CYTIP: variants seen among roughly 807,000 people sequenced by gnomAD.
CYTIP encodes the protein cytohesin 1 interacting protein.
Under a neutral mutation model 43.8 loss-of-function variants are expected in CYTIP, and 26 were observed. That is an observed-to-expected ratio of 0.59 (90% CI 0.44 to 0.82). The LOEUF (loss-of-function observed/expected upper bound fraction) is 0.82, where lower values mean the gene tolerates loss of function less well. Ranked by LOEUF, CYTIP falls within the 40% of genes least tolerant of loss-of-function variation. The pLI is 0.00. For missense variants in CYTIP, 426 were observed against 443.1 expected (o/e 0.96, Z 0.35); for synonymous variants, 162 against 162.9 (o/e 0.99, Z 0.04).
intron 5 of CYTIP, 117 bp from the exon 6 acceptor site, chr2:157,427,537 C>A (rs910450546): frequency 5.7e-5 from 37 of 644,454 alleles, no homozygotes; most frequent in Non-Finnish European, 7.8e-5. Context: ...ATACTAAAAA[C>A]GAAATACAAA....
intron 7 of CYTIP, among the ~76,000 whole-genome samples, chr2:157,416,980 TGAGAGAGAGA>T (rs377170102): frequency 6.8e-6 from 1 of 147,176 alleles, no homozygotes; most frequent in Non-Finnish European, 1.5e-5. Flanking sequence ...TGTGTGTGTG[TGAGAGAGAGA>T]GAGAGAGAGA....
At position 157,416,062 on chromosome 2, in the gene CYTIP, G is replaced by A. The variant is rs773889875; in HGVS notation, c.695C>T (p.Pro232Leu). ...TAATCGATTCCGGTCCACAAGGGCT[G>A]GGCCTGGCCCAGGCAGGGGTCCAAA... ...SLFGPLPGPG[P>L]ALVDRNRLSS... The change falls in exon 8 of 8, where the codon CCA becomes CTA. Residue 232 changes from proline (P) to leucine (L), a missense_variant. By Grantham distance (98) the Pro-to-Leu change is moderately conservative. Transcript: ENST00000264192. 1.9e-5 allele frequency: 31 copies of A among 1,614,042 alleles called. No individual in the cohort carries two copies. Among genetic ancestry groups the A allele is most frequent in the Middle Eastern group, 3.3e-4 (2 of 6,084 alleles).
Position 157,443,979 on chromosome 2 carries a change from A to G in CYTIP, c.42T>C (p.Asn14=), listed in dbSNP as rs1384796964. The change falls in exon 1 of 8, where the codon AAT becomes AAC. Residue 14 remains asparagine (N), a synonymous_variant. Transcript: ENST00000264192. ...QRLLQHSSNG[N]LADFCAGPAY... is the part of the protein sequence containing the mutation. ...CTGGCCCAGCGCAGAAGTCCGCCAA[A>G]TTGCCATTGCTGCTGTGTTGCAGGA... 6.2e-7 allele frequency: 1 copy of G among 1,614,062 alleles called. No individual in the cohort carries two copies. Among genetic ancestry groups the G allele is most frequent in the East Asian group, 2.2e-5 (1 of 44,886 alleles).
rs541378968 is a variant in CYTIP at position 157,423,428 on chromosome 2, A to C, written c.546+3923T>G. Reference sequence around the variant, plus strand: ...GTCAACTCAGTTAATAAATTTAAAAACTTTGTTAACAAAAACATAAGTCGC... The same window carrying C: ...GTCAACTCAGTTAATAAATTTAAAACCTTTGTTAACAAAAACATAAGTCGC... On this transcript the variant is annotated intron_variant, in intron 6 of 7. Transcript: ENST00000264192. 1.4e-3 allele frequency among the ~76,000 whole-genome samples: 216 copies of C among 149,490 alleles called. 1 individual carries two copies. Among genetic ancestry groups the C allele is most frequent in the African/African-American group, 4.8e-3 (199 of 41,202 alleles).
intron 1 of CYTIP, chr2:157,438,866 TTGTCAA>T: frequency 3.4e-6 from 1 of 292,154 alleles, no homozygotes. Context: ...ATTTTGAGCC[TTGTCAA>T]TTTTAAATAC....
At chr2:157,443,757 A>C (rs1284610479) in intron 1 of CYTIP, 90 bp downstream of exon 1, 2 of 1,358,746 alleles carry the variant, frequency 1.5e-6, no homozygotes, top group Admixed American at 4.1e-5. Context: ...AGCCTCTAAA[A>C]TATCACCATT....
chr2:157,423,485 T>C (rs1352528120), intron 6 of CYTIP, among the ~76,000 whole-genome samples: 1 of 122,146 alleles, frequency 8.2e-6, no homozygotes. Context: ...CCAGAAATCC[T>C]GAGTAGTCTC....
At chr2:157,420,661 A>G (rs1685508890) in intron 6 of CYTIP, among the ~76,000 whole-genome samples, 1 of 150,368 alleles carries the variant, frequency 6.7e-6, no homozygotes, top group Non-Finnish European at 1.5e-5. Context: ...AAAAAAAAAA[A>G]AAAAAAAAAA....
chr2:157,418,617 GT>G, intron 6 of CYTIP, 28 bp from the exon 7 acceptor site: 2 of 785,074 alleles, frequency 2.5e-6, no homozygotes, highest in Non-Finnish European at 3.9e-6. Flanking sequence ...AAAAAAAAAA[GT>G]TTTTATTATT....
At chr2:157,431,688 T>C (rs950797651) in intron 3 of CYTIP, among the ~76,000 whole-genome samples, 2 of 152,244 alleles carry the variant, frequency 1.3e-5, no homozygotes, top group African/African-American at 4.8e-5. Context: ...ATAACAAATA[T>C]AATTTTCTTT....
intron 1 of CYTIP, among the ~76,000 whole-genome samples, chr2:157,437,331 T>C (rs2105145344): frequency 6.6e-6 from 1 of 151,994 alleles, no homozygotes; most frequent in African/African-American, 2.4e-5. Context: ...CCAGAATATA[T>C]AATGAACTAA....
At position 157,434,845 on chromosome 2, in the gene CYTIP, TCTCTCA is replaced by T. The variant is rs1413463630; in HGVS notation, c.175-104_175-99del. The T allele has an allele frequency of 3.0e-3, 794 of 263,518 alleles. 1 individual carries two copies. The highest frequency in any genetic ancestry group is 9.3e-3 in the Admixed American group (212 of 22,814). 16.3% of individuals were successfully genotyped at this position (263,518 alleles called of 1,614,324 possible). ...CTCTCTCTCTCTCTCTCTCTCTCTC[TCTCTCA>T]CACACACACACACACACACACACAC... On this transcript the variant is annotated intron_variant, in intron 1 of 7. Transcript: ENST00000264192.
chr2:157,436,717 A>G (rs888483333), intron 1 of CYTIP, among the ~76,000 whole-genome samples: 4 of 152,250 alleles, frequency 2.6e-5, no homozygotes, highest in East Asian at 3.9e-4. Context: ...TTCTGCCCCA[A>G]TGCCCAACAC....
At chr2:157,416,185 T>C (rs745413358) in intron 7 of CYTIP, 42 bp from the exon 8 acceptor site, 1 of 1,460,626 alleles carries the variant, frequency 6.8e-7, no homozygotes, top group African/African-American at 1.4e-5. Flanking sequence ...TGTTCATTAC[T>C]CCCTACAAAT....
At chr2:157,416,762 T>C (rs1298248745) in intron 7 of CYTIP, among the ~76,000 whole-genome samples, 1 of 152,196 alleles carries the variant, frequency 6.6e-6, no homozygotes, top group Non-Finnish European at 1.5e-5. Flanking sequence ...ATACTTAAAT[T>C]CTCTGGAATG....
intron 5 of CYTIP, among the ~76,000 whole-genome samples, chr2:157,429,081 T>A (rs1413885229): frequency 6.6e-6 from 1 of 152,334 alleles, no homozygotes; most frequent in African/African-American, 2.4e-5. Context: ...CTGTGAAGAA[T>A]AAATGACACA....
At chr2:157,420,767 C>A (rs2105133462) in intron 6 of CYTIP, among the ~76,000 whole-genome samples, 1 of 151,134 alleles carries the variant, frequency 6.6e-6, no homozygotes, top group African/African-American at 2.4e-5. Flanking sequence ...GAGTATAAGG[C>A]TAGCAAGTGC....
intron 5 of CYTIP, among the ~76,000 whole-genome samples, chr2:157,430,218 T>C (rs1486905913): frequency 6.6e-6 from 1 of 152,144 alleles, no homozygotes; most frequent in East Asian, 1.9e-4. Context: ...TACAGGATTA[T>C]ATCAACCATG....
At chr2:157,417,250 C>T (rs1685451610) in intron 7 of CYTIP, among the ~76,000 whole-genome samples, 1 of 152,204 alleles carries the variant, frequency 6.6e-6, no homozygotes, top group South Asian at 2.1e-4. Flanking sequence ...CAACCTACTT[C>T]ATTTCATCTT....
Sources: gnomAD v4.1 joint callset for allele counts (sites outside exome capture counted in the v4.1 genomes callset) on GRCh38, gnomAD v4.1.1 for gene constraint, MANE v1.5 for transcripts, NCBI Gene and HGNC (gene_info 2026-07-23, HGNC 2026-07-21) for gene names.